NUDCD1: variants seen among roughly 807,000 people sequenced by gnomAD.
NUDCD1 encodes nudC domain-containing protein 1.
A neutral mutation model predicts 67.8 loss-of-function variants in NUDCD1; 60 were observed. The observed-to-expected ratio is 0.88, with a 90% CI of 0.72 to 1.10. The LOEUF (loss-of-function observed/expected upper bound fraction) is 1.10, where lower values mean the gene tolerates loss of function less well. Ranked by LOEUF, NUDCD1 falls within the 50% of genes least tolerant of loss-of-function variation. The pLI, the probability that NUDCD1 is intolerant of heterozygous loss-of-function variation, is 0.00. For synonymous variants in NUDCD1, 244 were observed against 230.8 expected (o/e 1.06, Z -0.52); for missense variants, 643 against 695.0 (o/e 0.93, Z 0.84).
intron 1 of NUDCD1, among the ~76,000 whole-genome samples, chr8:109,325,724 T>C (rs1815667353): frequency 6.6e-6 from 1 of 152,252 alleles, no homozygotes; most frequent in African/African-American, 2.4e-5. Flanking sequence ...CTGTATTTAT[T>C]TTTGTTGACA....
intron 6 of NUDCD1, among the ~76,000 whole-genome samples, chr8:109,279,936 A>C (rs989852152): frequency 1.3e-5 from 2 of 152,216 alleles, no homozygotes; most frequent in Non-Finnish European, 2.9e-5. Flanking sequence ...CTGGCCACTT[A>C]TGTATTTCTT....
intron 1 of NUDCD1, among the ~76,000 whole-genome samples, chr8:109,326,303 A>G (rs1815681028): frequency 6.6e-6 from 1 of 152,206 alleles, no homozygotes; most frequent in African/African-American, 2.4e-5. Context: ...CTATTAACGC[A>G]TAGAAAAAGG....
rs1815224769 is a variant in NUDCD1 at position 109,310,767 on chromosome 8, A to C, written c.273+11542T>G. Among the ~76,000 whole-genome samples the C allele has an allele frequency of 5.9e-5, 9 of 152,102 alleles. 1 individual carries two copies. The South Asian group carries it at 1.9e-3, about 32-fold the overall frequency. On this transcript the variant is annotated intron_variant, in intron 2 of 9. Transcript: ENST00000239690. ...GAATCTACAACAGCAAGGAAAAAAA[A>C]CAATCCCATCAAAAAGTGGGCTAAG...
At chr8:109,315,051 C>T (rs1320571542) in intron 2 of NUDCD1, among the ~76,000 whole-genome samples, 1 of 152,052 alleles carries the variant, frequency 6.6e-6, no homozygotes, top group Non-Finnish European at 1.5e-5. Context: ...AGGCAGTGAT[C>T]TTTTTCTGGA....
chr8:109,274,350 T>C (rs141636816), intron 7 of NUDCD1, among the ~76,000 whole-genome samples: 21 of 152,266 alleles, frequency 1.4e-4, no homozygotes, highest in African/African-American at 4.1e-4. Flanking sequence ...ATTGAAACCA[T>C]TGAGTTTAAC....
chr8:109,249,028 TC>T (rs1390511890), intron 8 of NUDCD1, among the ~76,000 whole-genome samples: 1 of 151,760 alleles, frequency 6.6e-6, no homozygotes, highest in Non-Finnish European at 1.5e-5. Context: ...TTTATACTTT[TC>T]CTATAGAGTT....
At chr8:109,298,127 A>G (rs1313037287) in intron 2 of NUDCD1, among the ~76,000 whole-genome samples, 1 of 152,162 alleles carries the variant, frequency 6.6e-6, no homozygotes, top group African/African-American at 2.4e-5. Context: ...TAAATACTCA[A>G]TGGCAAGCAG....
chr8:109,313,544 A>G (rs1327196458), intron 2 of NUDCD1, among the ~76,000 whole-genome samples: 1 of 152,168 alleles, frequency 6.6e-6, no homozygotes, highest in Non-Finnish European at 1.5e-5. Context: ...CTTCAAATAC[A>G]TTACTATTTT....
intron 8 of NUDCD1, among the ~76,000 whole-genome samples, chr8:109,269,507 T>C (rs1353023560): frequency 6.6e-6 from 1 of 152,160 alleles, no homozygotes; most frequent in African/African-American, 2.4e-5. Context: ...AGTAAAATGT[T>C]GGGCCAGAAC....
chr8:109,280,015 A>G (rs1356858099), intron 6 of NUDCD1, among the ~76,000 whole-genome samples: 1 of 152,228 alleles, frequency 6.6e-6, no homozygotes, highest in African/African-American at 2.4e-5. Context: ...ATAAGAAAAA[A>G]TTACTACAAT....
At chr8:109,289,484 T>C (rs1009412820) in intron 5 of NUDCD1, among the ~76,000 whole-genome samples, 2 of 152,300 alleles carry the variant, frequency 1.3e-5, no homozygotes, top group Non-Finnish European at 2.9e-5. Context: ...TTGATAACTA[T>C]TTATTAAGCA....
chr8:109,315,822 G>GT (rs1239586892), intron 2 of NUDCD1: 1 of 152,082 alleles, frequency 6.6e-6, no homozygotes, highest in Non-Finnish European at 1.5e-5. Context: ...CTCTACACAG[G>GT]TAAGTAAGTG....
chr8:109,248,147 AG>A (rs1253323341), intron 8 of NUDCD1, among the ~76,000 whole-genome samples: 2 of 152,250 alleles, frequency 1.3e-5, no homozygotes, highest in Admixed American at 1.3e-4. Context: ...TTGAAGACAC[AG>A]GATGGGCCCG....
intron 9 of NUDCD1, 96 bp from the exon 10 acceptor site, chr8:109,243,397 C>A (rs1813421814): frequency 3.9e-6 from 4 of 1,022,066 alleles, no homozygotes; most frequent in Non-Finnish European, 5.6e-6. Context: ...ATGTTTATTA[C>A]AAATTAAAAT....
chr8:109,249,334 A>C (rs1813571323), intron 8 of NUDCD1, among the ~76,000 whole-genome samples: 1 of 152,230 alleles, frequency 6.6e-6, no homozygotes, highest in Admixed American at 6.5e-5. Flanking sequence ...GAATGAGATG[A>C]GTAACACTGA....
At chr8:109,283,918 A>G (rs1814512686) in intron 5 of NUDCD1, among the ~76,000 whole-genome samples, 1 of 152,038 alleles carries the variant, frequency 6.6e-6, no homozygotes, top group South Asian at 2.1e-4. Context: ...AAAACTTCAC[A>G]TAACAATATT....
intron 6 of NUDCD1, among the ~76,000 whole-genome samples, chr8:109,275,844 T>C (rs1814273196): frequency 6.6e-6 from 1 of 152,076 alleles, no homozygotes; most frequent in Non-Finnish European, 1.5e-5. Flanking sequence ...ATAAGACATC[T>C]GGGGAATGGT....
chr8:109,329,687 C>A, intron 1 of NUDCD1: 2 of 845,490 alleles, frequency 2.4e-6, no homozygotes, highest in Non-Finnish European at 3.6e-6. Flanking sequence ...GTGATGATTT[C>A]ACGGGTGTAT....
intron 3 of NUDCD1, among the ~76,000 whole-genome samples, chr8:109,294,899 A>G (rs1814806484): frequency 6.6e-6 from 1 of 151,932 alleles, no homozygotes; most frequent in Admixed American, 6.6e-5. Context: ...AAAGTCCTAA[A>G]ACCCTCCTGA....
Sources: gnomAD v4.1 joint callset for allele counts (sites outside exome capture counted in the v4.1 genomes callset) on GRCh38, gnomAD v4.1.1 for gene constraint, MANE v1.5 for transcripts, NCBI Gene and HGNC (gene_info 2026-07-23, HGNC 2026-07-21) for gene names.